BCAS3: variants seen among roughly 807,000 people sequenced by gnomAD.
The protein encoded by BCAS3 is BCAS3 microtubule associated cell migration factor.
A neutral mutation model predicts 116.1 loss-of-function variants in BCAS3; 53 were observed. The ratio of observed to expected loss-of-function variants is 0.46; its 90% CI spans 0.37 to 0.57. The LOEUF (loss-of-function observed/expected upper bound fraction) is 0.57. Among genes scored for constraint, BCAS3 ranks in the 20% least tolerant of loss-of-function variants. The pLI, the probability that BCAS3 is intolerant of heterozygous loss-of-function variation, is 0.00. For synonymous variants in BCAS3, 391 were observed against 408.2 expected (o/e 0.96, Z 0.51); for missense variants, 917 against 1,165.4 (o/e 0.79, Z 3.10).
At chr17:61,152,648 C>T (rs2077604141) in intron 22 of BCAS3, among the ~76,000 whole-genome samples, 1 of 151,984 alleles carries the variant, frequency 6.6e-6, no homozygotes, top group Non-Finnish European at 1.5e-5. Context: ...CCAAATGATC[C>T]AGTTCTAAGT....
rs574525549 is a variant in BCAS3 at position 60,991,364 on chromosome 17, A to C, written c.1486+1129A>C. Reference sequence around the variant, plus strand: ...TTCTACTACTGCTGATGTACATTGCATGGTTTCAGGTTTGGGGATAATATG... The same window carrying C: ...TTCTACTACTGCTGATGTACATTGCCTGGTTTCAGGTTTGGGGATAATATG... On this transcript the variant is annotated intron_variant, in intron 15 of 23. Transcript: ENST00000407086. Among the ~76,000 whole-genome samples, 3 of 152,250 alleles carry C rather than the reference A, an allele frequency of 2.0e-5. No individual in the cohort carries two copies. In the South Asian group the frequency reaches 6.2e-4, roughly 32 times the overall value.
intron 22 of BCAS3, among the ~76,000 whole-genome samples, chr17:61,274,113 C>A (rs961349765): frequency 1.3e-5 from 2 of 151,044 alleles, no homozygotes; most frequent in African/African-American, 4.9e-5. Context: ...TCCCCACTCC[C>A]CCCACCCCAC....
At chr17:61,050,343 T>C (rs1191724465) in intron 19 of BCAS3, among the ~76,000 whole-genome samples, 1 of 152,030 alleles carries the variant, frequency 6.6e-6, no homozygotes, top group East Asian at 1.9e-4. Flanking sequence ...TTTTAAAATA[T>C]TGACTGTTAA....
Position 61,052,053 on chromosome 17 carries a change from T to A in BCAS3, c.2029+11161T>A, listed in dbSNP as rs79234781. Among the ~76,000 whole-genome samples the A allele has an allele frequency of 2.3e-3, 346 of 151,970 alleles. 4 individuals carry two copies. In the East Asian group the frequency reaches 0.031, roughly 14 times the overall value. ...TGGTGTGCTTTTCTTCTGCTTGGGGTTTATGGGATTCTTGGATCTGTAGGT... is the reference window on the plus strand; with the variant it reads ...TGGTGTGCTTTTCTTCTGCTTGGGGATTATGGGATTCTTGGATCTGTAGGT... On this transcript the variant is annotated intron_variant, in intron 19 of 23. Coordinates refer to ENST00000407086, the MANE Select transcript of BCAS3 (RefSeq NM_017679.5).
Position 61,083,100 on chromosome 17 carries a change from A to G in BCAS3, c.2328-1367A>G, listed in dbSNP as rs1465670583. On this transcript the variant is annotated intron_variant, in intron 21 of 23. Coordinates refer to ENST00000407086, the MANE Select transcript of BCAS3 (RefSeq NM_017679.5). The surrounding 1 kb of genome is among the most constrained non-coding windows in gnomAD (Gnocchi z 4.9). ...TATTCAGTCACTAATCTAAGTTTCT[A>G]TATGTTGTAGTCCTGTGCTTAAAGG... Among the ~76,000 whole-genome samples the G allele has an allele frequency of 1.4e-4, 22 of 152,142 alleles. No homozygotes were observed. Among genetic ancestry groups the G allele is most frequent in the Non-Finnish European group, 1.5e-5 (1 of 68,036 alleles).
chr17:61,295,122 G>A lies in BCAS3; in HGVS notation c.2426-73205G>A, dbSNP rs903832907. Among the ~76,000 whole-genome samples, 5 of 152,154 alleles carry A rather than the reference G, an allele frequency of 3.3e-5. 1 individual carries two copies. The highest frequency in any genetic ancestry group is 4.2e-4 in the South Asian group (2 of 4,818). ...GTCTTGATTGGAGATGTGCTGTCCC[G>A]AGGCTTCTCTCTAAGCCCTTGGAGG... is the stretch of plus-strand genomic sequence containing the variant. On this transcript the variant is annotated intron_variant, in intron 22 of 23. Coordinates refer to ENST00000407086, the MANE Select transcript of BCAS3 (RefSeq NM_017679.5).
In BCAS3 at chr17:61,248,996, A is replaced by T. The variant is rs1342394941; in HGVS notation, c.2426-119331A>T. On this transcript the variant is annotated intron_variant, in intron 22 of 23. Coordinates refer to ENST00000407086, the MANE Select transcript of BCAS3 (RefSeq NM_017679.5). This position sits in a 1 kb window ranked among gnomAD's most constrained non-coding sequence, Gnocchi z 4.3. The stretch of plus-strand genomic sequence containing the variant: ...CCTGCAAAAATTTGTTTTTAAAATA[A>T]GAAACTTGGCTGGGCTTGGTGGCTC... Among the ~76,000 whole-genome samples, 1 of 152,194 alleles carries T rather than the reference A, an allele frequency of 6.6e-6. No homozygotes were observed. Among genetic ancestry groups the T allele is most frequent in the African/African-American group, 2.4e-5 (1 of 41,450 alleles).
intron 22 of BCAS3, among the ~76,000 whole-genome samples, chr17:61,257,166 A>G (rs11079426): frequency 0.64 from 97,908 of 151,850 alleles, 31,870 homozygotes; most frequent in East Asian, 0.91. Context: ...TCACGCCTGT[A>G]ACCCCAGCAC....
rs1306219992 is a variant in BCAS3, at chr17:61,316,486, C to T, written c.2426-51841C>T. On this transcript the variant is annotated intron_variant, in intron 22 of 23. Coordinates refer to ENST00000407086, the MANE Select transcript of BCAS3 (RefSeq NM_017679.5). The surrounding 1 kb of genome is among the most constrained non-coding windows in gnomAD (Gnocchi z 5.8). Reference sequence around the variant, plus strand: ...GATGTCCCCGGACATGCCCCTCACCCAGCACCTCTGCCCTCCTATTTGCCT... The same window carrying T: ...GATGTCCCCGGACATGCCCCTCACCTAGCACCTCTGCCCTCCTATTTGCCT... 2.0e-5 allele frequency among the ~76,000 whole-genome samples: 3 copies of T among 152,106 alleles called. No homozygotes were observed. The East Asian group carries it at 5.8e-4, about 29-fold the overall frequency.
intron 22 of BCAS3, among the ~76,000 whole-genome samples, chr17:61,138,787 A>G (rs1052687040): frequency 3.3e-5 from 5 of 152,174 alleles, no homozygotes; most frequent in African/African-American, 1.2e-4. Flanking sequence ...TCAGCAGAAA[A>G]GTAACAATTC....
chr17:61,093,208 C>T (rs1474671431), intron 22 of BCAS3, among the ~76,000 whole-genome samples: 1 of 151,980 alleles, frequency 6.6e-6, no homozygotes, highest in Non-Finnish European at 1.5e-5. Context: ...ATGCCCAGCC[C>T]CTCCAGTCTT....
At chr17:61,085,447 C>G (rs1254474083) in intron 22 of BCAS3, among the ~76,000 whole-genome samples, 1 of 152,142 alleles carries the variant, frequency 6.6e-6, no homozygotes, top group Non-Finnish European at 1.5e-5. Context: ...AAAATGGAAA[C>G]AAACACAAAA....
Position 60,868,696 on chromosome 17 carries a change from T to A in BCAS3, c.584+13T>A. On this transcript the variant is annotated intron_variant, in intron 8 of 23. Transcript: ENST00000407086. ...ATTGCAATAAACGGTAAGGATTTTTTCATGGGTTTCTTGTGTAAAATAAGA... is the reference window on the plus strand; with the variant it reads ...ATTGCAATAAACGGTAAGGATTTTTACATGGGTTTCTTGTGTAAAATAAGA... 1 of 1,506,710 alleles carries A rather than the reference T, an allele frequency of 6.6e-7. No individual in the cohort carries two copies. Among genetic ancestry groups the A allele is most frequent in the Non-Finnish European group, 9.0e-7 (1 of 1,107,220 alleles). 93.3% of individuals were successfully genotyped at this position (1,506,710 alleles called of 1,614,324 possible). A position where few individuals can be genotyped will look rare whatever the true frequency, so the allele number is the denominator to read the frequency against.
rs1325163325 is a variant in BCAS3, at chr17:60,964,013, G to C, written c.1221+16661G>C. Reference sequence around the variant, plus strand: ...GATTTGAATTCTTCCTTTCCAATTTGGTTGCTCTTTATTTCTTTCTCTTGC... The same window carrying C: ...GATTTGAATTCTTCCTTTCCAATTTCGTTGCTCTTTATTTCTTTCTCTTGC... On this transcript the variant is annotated intron_variant, in intron 14 of 23. Transcript: ENST00000407086. The surrounding 1 kb of genome is among the most constrained non-coding windows in gnomAD (Gnocchi z 4.6). Among the ~76,000 whole-genome samples, 1 of 152,126 alleles carries C rather than the reference G, an allele frequency of 6.6e-6. No homozygotes were observed. The highest frequency in any genetic ancestry group is 1.9e-4 in the East Asian group (1 of 5,196).
At chr17:61,292,180 T>G (rs6504030) in intron 22 of BCAS3, among the ~76,000 whole-genome samples, 151,914 of 152,204 alleles carry the variant, frequency 1, 75,813 homozygotes, top group Middle Eastern at 1. Context: ...ACCCACGCCT[T>G]CAGGGGATAG....
intron 16 of BCAS3, among the ~76,000 whole-genome samples, chr17:61,016,268 C>G (rs745447505): frequency 6.6e-6 from 1 of 152,148 alleles, no homozygotes; most frequent in Non-Finnish European, 1.5e-5. Flanking sequence ...TTGACAGATA[C>G]AAATATGGAG....
chr17:61,289,788 A>G (rs1371718471), intron 22 of BCAS3, among the ~76,000 whole-genome samples: 1 of 152,254 alleles, frequency 6.6e-6, no homozygotes, highest in Non-Finnish European at 1.5e-5. Flanking sequence ...TTTAGAAAGT[A>G]TCTGCTATGT....
At position 61,219,114 on chromosome 17, in the gene BCAS3, G is replaced by A. The variant is rs558920933; in HGVS notation, c.2425+134550G>A. Among the ~76,000 whole-genome samples the A allele has an allele frequency of 6.6e-6, 1 of 152,160 alleles. No individual in the cohort carries two copies. Among genetic ancestry groups the A allele is most frequent in the South Asian group, 2.1e-4 (1 of 4,830 alleles). ...TAACTAATATTTTTATAGGAAATAT[G>A]AAATGAAGTAAAGTCCAAAAGCAAA... On this transcript the variant is annotated intron_variant, in intron 22 of 23. Coordinates refer to ENST00000407086, the MANE Select transcript of BCAS3 (RefSeq NM_017679.5). This position sits in a 1 kb window ranked among gnomAD's most constrained non-coding sequence, Gnocchi z 5.2.
chr17:60,922,799 ATCTC>A (rs1429800497), intron 12 of BCAS3, among the ~76,000 whole-genome samples: 1 of 152,230 alleles, frequency 6.6e-6, no homozygotes, highest in African/African-American at 2.4e-5. Context: ...GATTTGGGGA[ATCTC>A]CAAATATTTG....
Sources: gnomAD v4.1 joint callset for allele counts (sites outside exome capture counted in the v4.1 genomes callset) on GRCh38, gnomAD v4.1.1 for gene constraint, Gnocchi (gnomAD v3.1) non-coding constraint, MANE v1.5 for transcripts, NCBI Gene and HGNC (gene_info 2026-07-23, HGNC 2026-07-21) for gene names.